Variants in AJAP1 observed in about 807,000 individuals in gnomAD.
The protein encoded by AJAP1 is adherens junction-associated protein 1.
Under a neutral mutation model 35.0 loss-of-function variants are expected in AJAP1, and 5 were observed. That is an observed-to-expected ratio of 0.14 (90% CI 0.07 to 0.30). The LOEUF (loss-of-function observed/expected upper bound fraction) is 0.30, where lower values mean the gene tolerates loss of function less well. Ranked by LOEUF, AJAP1 falls within the 10% of genes least tolerant of loss-of-function variation. The probability of loss-of-function intolerance (pLI) is 1.00; values close to 1 mark genes in which losing one functional copy is unlikely to be tolerated. For synonymous variants in AJAP1, 284 were observed against 249.3 expected (o/e 1.14, Z -1.31); for missense variants, 586 against 571.0 (o/e 1.03, Z -0.27).
At chr1:4,678,818 G>A (rs927908153) in intron 1 of AJAP1, among the ~76,000 whole-genome samples, 5 of 152,092 alleles carry the variant, frequency 3.3e-5, no homozygotes, top group African/African-American at 1.2e-4. Flanking sequence ...CTCTCTTTGG[G>A]CAGTTCCAAA....
chr1:4,766,083 C>T (rs1261679478), intron 2 of AJAP1, among the ~76,000 whole-genome samples: 1 of 152,232 alleles, frequency 6.6e-6, no homozygotes, highest in Non-Finnish European at 1.5e-5. Context: ...GCAGAGCCAC[C>T]TTGAGCTACT....
intron 2 of AJAP1, among the ~76,000 whole-genome samples, chr1:4,726,048 C>T (rs1046875761): frequency 6.6e-6 from 1 of 152,216 alleles, no homozygotes; most frequent in Non-Finnish European, 1.5e-5. Flanking sequence ...AGTGCCTCCC[C>T]TGGGATGAAG....
chr1:4,684,968 C>T (rs984772269), intron 1 of AJAP1, among the ~76,000 whole-genome samples: 2 of 152,154 alleles, frequency 1.3e-5, no homozygotes, highest in Non-Finnish European at 1.5e-5. Context: ...TTGTCTTCTG[C>T]CTTTTGTCAT....
At chr1:4,749,045 C>T (rs926696070) in intron 2 of AJAP1, among the ~76,000 whole-genome samples, 2 of 152,198 alleles carry the variant, frequency 1.3e-5, no homozygotes, top group African/African-American at 4.8e-5. Context: ...CTGGTGGACA[C>T]GGTTCAACCA....
intron 1 of AJAP1, among the ~76,000 whole-genome samples, chr1:4,674,536 G>C (rs1174655289): frequency 1.3e-5 from 2 of 152,232 alleles, no homozygotes; most frequent in Non-Finnish European, 2.9e-5. Flanking sequence ...TAGGTTCAGA[G>C]GTCAGTGCAG....
At chr1:4,706,325 G>A (rs946244859) in intron 1 of AJAP1, among the ~76,000 whole-genome samples, 1 of 152,178 alleles carries the variant, frequency 6.6e-6, no homozygotes, top group Non-Finnish European at 1.5e-5. Context: ...CTTCTTCAAC[G>A]AGGAGGCGGA....
chr1:4,685,382 C>G (rs975773436), intron 1 of AJAP1, among the ~76,000 whole-genome samples: 1 of 152,230 alleles, frequency 6.6e-6, no homozygotes, highest in Non-Finnish European at 1.5e-5. Context: ...CACAGCCTCC[C>G]TTTGATGGAA....
At chr1:4,733,486 G>A (rs1455826527) in intron 2 of AJAP1, among the ~76,000 whole-genome samples, 2 of 145,784 alleles carry the variant, frequency 1.4e-5, no homozygotes, top group African/African-American at 5.1e-5. Flanking sequence ...GGCTGTGCTG[G>A]GAGTGGGACC....
chr1:4,664,385 G>A (rs940504863), intron 1 of AJAP1, among the ~76,000 whole-genome samples: 2 of 152,198 alleles, frequency 1.3e-5, no homozygotes, highest in African/African-American at 2.4e-5. Context: ...GATGCCCATG[G>A]TATGGAGGTG....
chr1:4,741,411 C>T (rs547065546), intron 2 of AJAP1, among the ~76,000 whole-genome samples: 2 of 152,268 alleles, frequency 1.3e-5, no homozygotes, highest in East Asian at 3.9e-4. Flanking sequence ...TGACTTGTGG[C>T]CACACCACTC....
At chr1:4,738,038 G>T (rs932926522) in intron 2 of AJAP1, among the ~76,000 whole-genome samples, 1 of 152,230 alleles carries the variant, frequency 6.6e-6, no homozygotes. Context: ...CACCTGCCTG[G>T]GGGAAACAGC....
rs1330508861 is a variant in AJAP1, at chr1:4,693,756, C to T, written c.30-18144C>T. 1.3e-5 allele frequency among the ~76,000 whole-genome samples: 2 copies of T among 152,154 alleles called. No homozygotes were observed. The highest frequency in any genetic ancestry group is 2.4e-5 in the African/African-American group (1 of 41,434). ...TCGCTGGGGCTTCTTGCTGTGTAAT[C>T]CCGTGGTGGAAGCAGGAGGGCAAGA... On this transcript the variant is annotated intron_variant, in intron 1 of 5. Coordinates refer to ENST00000378191, the MANE Select transcript of AJAP1 (RefSeq NM_018836.4). The surrounding 1 kb of genome is among the most constrained non-coding windows in gnomAD (Gnocchi z 4.4).
At chr1:4,735,645 C>T (rs531547933) in intron 2 of AJAP1, among the ~76,000 whole-genome samples, 143 of 138,180 alleles carry the variant, frequency 1.0e-3, no homozygotes, top group African/African-American at 3.5e-3. Flanking sequence ...GTGGGCACCT[C>T]TGCCTGCTGT....
chr1:4,655,533 T>G lies in AJAP1; in HGVS notation c.29+79T>G. 6.7e-7 allele frequency: 1 copy of G among 1,501,862 alleles called. No individual in the cohort carries two copies. The highest frequency in any genetic ancestry group is 9.0e-7 in the Non-Finnish European group (1 of 1,111,578). 93.0% of individuals were successfully genotyped at this position (1,501,862 alleles called of 1,614,324 possible). A position where few individuals can be genotyped will look rare whatever the true frequency, so the allele number is the denominator to read the frequency against. On this transcript the variant is annotated intron_variant, in intron 1 of 5. Coordinates refer to ENST00000378191, the MANE Select transcript of AJAP1 (RefSeq NM_018836.4). This position sits in a 1 kb window ranked among gnomAD's most constrained non-coding sequence, Gnocchi z 6.9. ...GCGGAAGCGGCGCTTTCCTCTATGT[T>G]GCAAATCAAGGGACCCCTCTTCGCT...
intron 1 of AJAP1, among the ~76,000 whole-genome samples, chr1:4,671,303 A>C (rs1639242328): frequency 6.6e-6 from 1 of 150,412 alleles, no homozygotes; most frequent in African/African-American, 2.5e-5. Context: ...TGGGAGGAGG[A>C]GGTTGCAATG....
intron 5 of AJAP1, among the ~76,000 whole-genome samples, chr1:4,778,102 C>T (rs891573610): frequency 3.9e-5 from 6 of 152,192 alleles, no homozygotes; most frequent in Non-Finnish European, 7.3e-5. Context: ...ACACCCAGTG[C>T]GCCACTGCGT....
chr1:4,720,693 C>T lies in AJAP1; in HGVS notation c.829+7994C>T, dbSNP rs551427803. Among the ~76,000 whole-genome samples, 8 of 152,316 alleles carry T rather than the reference C, an allele frequency of 5.3e-5. No individual in the cohort carries two copies. The highest frequency in any genetic ancestry group is 1.3e-4 in the Admixed American group (2 of 15,296). On this transcript the variant is annotated intron_variant, in intron 2 of 5. Coordinates refer to ENST00000378191, the MANE Select transcript of AJAP1 (RefSeq NM_018836.4). This position sits in a 1 kb window ranked among gnomAD's most constrained non-coding sequence, Gnocchi z 4.4. ...GTTGAGTCAGGTCTTAAAAGATGCA[C>T]GAAGCCCACCTCACCGGTGGCTCTG...
chr1:4,730,164 A>G (rs1443419127), intron 2 of AJAP1, among the ~76,000 whole-genome samples: 2 of 152,182 alleles, frequency 1.3e-5, no homozygotes, highest in East Asian at 1.9e-4. Flanking sequence ...CCCTACAAGA[A>G]TGGAAGTTTC....
At chr1:4,670,915 A>G (rs1397377980) in intron 1 of AJAP1, among the ~76,000 whole-genome samples, 1 of 152,260 alleles carries the variant, frequency 6.6e-6, no homozygotes, top group Non-Finnish European at 1.5e-5. Context: ...TCACTGTAAC[A>G]GACCCAAGAC....
Sources: gnomAD v4.1 joint callset for allele counts (sites outside exome capture counted in the v4.1 genomes callset) on GRCh38, gnomAD v4.1.1 for gene constraint, Gnocchi (gnomAD v3.1) non-coding constraint, MANE v1.5 for transcripts, NCBI Gene and HGNC (gene_info 2026-07-23, HGNC 2026-07-21) for gene names.